DNM3: variants seen among roughly 807,000 people sequenced by gnomAD.
DNM3 encodes dynamin 3, also known as dynamin-3.
Under a neutral mutation model 101.6 loss-of-function variants are expected in DNM3, and 47 were observed. That is an observed-to-expected ratio of 0.46 (90% CI 0.37 to 0.59). The LOEUF is 0.59. DNM3 is among the 20% of genes least tolerant of loss of function. The probability of loss-of-function intolerance (pLI) is 0.00; values close to 1 mark genes in which losing one functional copy is unlikely to be tolerated. For missense variants in DNM3, 849 were observed against 1,085.7 expected, an observed-to-expected ratio of 0.78 and a Z score of 3.06; for synonymous variants, 385 against 387.9, an observed-to-expected ratio of 0.99 and a Z score of 0.09.
chr1:171,860,563 A>G (rs2034070070), intron 1 of DNM3, among the ~76,000 whole-genome samples: 1 of 152,148 alleles, frequency 6.6e-6, no homozygotes, highest in Non-Finnish European at 1.5e-5. Flanking sequence ...GAACATTTAA[A>G]GTTATTTACA....
intron 4 of DNM3, among the ~76,000 whole-genome samples, chr1:172,021,863 T>C (rs1266053147): frequency 6.6e-6 from 1 of 152,220 alleles, no homozygotes; most frequent in East Asian, 1.9e-4. Context: ...TTTCCTTTTA[T>C]TAGGAGGGCA....
intron 15 of DNM3, among the ~76,000 whole-genome samples, chr1:172,278,162 T>C (rs1020996794): frequency 3.3e-5 from 5 of 152,158 alleles, no homozygotes; most frequent in African/African-American, 1.2e-4. Context: ...AAAGCACTTA[T>C]GAAGAATGCG....
chr1:171,891,241 G>A (rs994434634), intron 1 of DNM3, among the ~76,000 whole-genome samples: 76 of 151,712 alleles, frequency 5.0e-4, no homozygotes, highest in African/African-American at 1.7e-3. Flanking sequence ...TTTGGCAGTC[G>A]TCCTATACAG....
chr1:172,233,493 C>G (rs2061418259), intron 14 of DNM3, among the ~76,000 whole-genome samples: 1 of 152,150 alleles, frequency 6.6e-6, no homozygotes, highest in Non-Finnish European at 1.5e-5. Context: ...CCTTCTGAAA[C>G]TATTCCAATC....
intron 1 of DNM3, among the ~76,000 whole-genome samples, chr1:171,918,480 A>G (rs2039898613): frequency 6.6e-6 from 1 of 152,206 alleles, no homozygotes; most frequent in Non-Finnish European, 1.5e-5. Flanking sequence ...TCAGAAGGAG[A>G]CATATCTTTA....
chr1:171,957,121 C>T (rs1447163376), intron 2 of DNM3, among the ~76,000 whole-genome samples: 2 of 152,130 alleles, frequency 1.3e-5, no homozygotes, highest in African/African-American at 4.8e-5. Context: ...ACATTAGGCT[C>T]CTTGTTATTT....
In DNM3 at chr1:171,971,372, G is replaced by T. The variant is rs192378088; in HGVS notation, c.236-16284G>T. Among the ~76,000 whole-genome samples the T allele has an allele frequency of 1.8e-3, 277 of 151,990 alleles. 1 individual carries two copies. Among genetic ancestry groups the T allele is most frequent in the Non-Finnish European group, 3.0e-3 (204 of 67,940 alleles). ...CTACCCTAAAAAGACCTCTCCCTTT[G>T]TGAAATCTACATAGCATTCATTTGA... On this transcript the variant is annotated intron_variant, in intron 2 of 20. Coordinates refer to ENST00000627582, the MANE Select transcript of DNM3 (RefSeq NM_015569.5).
chr1:172,185,064 T>C (rs530732010), intron 14 of DNM3, among the ~76,000 whole-genome samples: 1 of 152,066 alleles, frequency 6.6e-6, no homozygotes, highest in Non-Finnish European at 1.5e-5. Context: ...TAGGGGCAGC[T>C]CCTCTCACTC....
chr1:172,231,699 A>C (rs1412930042), intron 14 of DNM3, among the ~76,000 whole-genome samples: 1 of 152,206 alleles, frequency 6.6e-6, no homozygotes, highest in Non-Finnish European at 1.5e-5. Context: ...ACCTTAAAAA[A>C]GATTAGGCAA....
rs77320784 is a variant in DNM3, at chr1:171,990,455, A to G, written c.589+1307A>G. ...CCTGAGCTGGTCTGGTATAAGCCTG[A>G]TGTCTAGTGTTCTTGGAGCCAAGAA... On this transcript the variant is annotated intron_variant, in intron 4 of 20. Coordinates refer to ENST00000627582, the MANE Select transcript of DNM3 (RefSeq NM_015569.5). Among the ~76,000 whole-genome samples the G allele has an allele frequency of 9.8e-3, 1,487 of 152,182 alleles. 29 individuals carry two copies. Among genetic ancestry groups the G allele is most frequent in the African/African-American group, 0.034 (1,422 of 41,524 alleles).
chr1:172,416,087 G>T (rs999351670), downstream of DNM3, among the ~76,000 whole-genome samples: 6 of 152,148 alleles, frequency 3.9e-5, no homozygotes, highest in Admixed American at 3.9e-4. Flanking sequence ...GAATGCTTAA[G>T]AAAATATAAC....
intron 17 of DNM3, among the ~76,000 whole-genome samples, chr1:172,339,585 G>A (rs756091816): frequency 6.6e-6 from 1 of 152,118 alleles, no homozygotes; most frequent in Non-Finnish European, 1.5e-5. Flanking sequence ...AACAGATTCC[G>A]AATCTTCCCC....
Position 172,131,199 on chromosome 1 carries a change from A to G in DNM3, c.1570A>G (p.Ile524Val). ...GGTGATTCGCAAGGGGTGGCTCACC[A>G]TCAGCAACATTGGCATCATGAAAGG... ...NQVIRKGWLT[I>V]SNIGIMKGGS... The change falls in exon 14 of 21, where the codon ATC (isoleucine) becomes GTC (valine). Residue 524 changes from isoleucine to valine, a missense_variant. Transcript: ENST00000627582. The G allele has an allele frequency of 6.2e-7, 1 of 1,613,416 alleles. No homozygotes were observed. Among genetic ancestry groups the G allele is most frequent in the South Asian group, 1.1e-5 (1 of 91,050 alleles).
chr1:172,330,127 T>G (rs1293038892), intron 17 of DNM3, among the ~76,000 whole-genome samples: 1 of 152,214 alleles, frequency 6.6e-6, no homozygotes, highest in Non-Finnish European at 1.5e-5. Flanking sequence ...AATTCCACTC[T>G]TCAAAGTTTA....
At chr1:172,264,380 T>A (rs2062781344) in intron 15 of DNM3, among the ~76,000 whole-genome samples, 1 of 152,224 alleles carries the variant, frequency 6.6e-6, no homozygotes, top group Admixed American at 6.5e-5. Flanking sequence ...CAAAAGCCCA[T>A]ATGCTTAGCA....
chr1:172,323,325 A>T lies in DNM3; in HGVS notation c.1882-4A>T. 1 of 1,604,964 alleles carries T rather than the reference A, an allele frequency of 6.2e-7. No individual in the cohort carries two copies. The highest frequency in any genetic ancestry group is 8.5e-7 in the Non-Finnish European group (1 of 1,175,414). ...CTTTCTTTTCCTTGCGGCTACATGC[A>T]TAGGGGAACAACAAAGTAAGTTATT... On this transcript the variant is annotated splice_polypyrimidine_tract_variant and splice_region_variant and intron_variant, in intron 16 of 20. Transcript: ENST00000627582.
At chr1:171,847,896 C>CTGTGTGTGTG (rs752990905) in intron 1 of DNM3, among the ~76,000 whole-genome samples, 4,146 of 141,136 alleles carry the variant, frequency 0.029, 97 homozygotes, top group South Asian at 0.094. Flanking sequence ...CTCTCTCTCT[C>CTGTGTGTGTG]TGTGTGTGTG....
At chr1:171,849,746 A>G (rs935499351) in intron 1 of DNM3, among the ~76,000 whole-genome samples, 1 of 152,038 alleles carries the variant, frequency 6.6e-6, no homozygotes, top group African/African-American at 2.4e-5. Context: ...TTATCATTTC[A>G]TTAATCCTTC....
At position 172,273,321 on chromosome 1, in the gene DNM3, C is replaced by T. The variant is rs927970136; in HGVS notation, c.1769+19639C>T. Among the ~76,000 whole-genome samples, 4 of 151,842 alleles carry T rather than the reference C, an allele frequency of 2.6e-5. No individual in the cohort carries two copies. The East Asian group carries it at 7.7e-4, about 29-fold the overall frequency. The stretch of plus-strand genomic sequence containing the variant: ...CTCTTCAAATCTCCCTTTTTTAAGC[C>T]AATGAGCCATCCTTAAACATAAGGA... On this transcript the variant is annotated intron_variant, in intron 15 of 20. Coordinates refer to ENST00000627582, the MANE Select transcript of DNM3 (RefSeq NM_015569.5).
Sources: gnomAD v4.1 joint callset for allele counts (sites outside exome capture counted in the v4.1 genomes callset) on GRCh38, gnomAD v4.1.1 for gene constraint, MANE v1.5 for transcripts, NCBI Gene and HGNC (gene_info 2026-07-23, HGNC 2026-07-21) for gene names.